Variants in TCTN3 observed in about 807,000 individuals in gnomAD.
TCTN3 encodes the protein tectonic-3.
TCTN3 carries 57 observed loss-of-function variants against 71.3 expected under a neutral mutation model. That is an observed-to-expected ratio of 0.80 (90% CI 0.65 to 1.00). The LOEUF (loss-of-function observed/expected upper bound fraction) is 1.00. TCTN3 is among the 50% of genes least tolerant of loss of function. The pLI, the probability that TCTN3 is intolerant of heterozygous loss-of-function variation, is 0.00. For missense variants in TCTN3, 696 were observed against 719.9 expected (o/e 0.97, Z 0.38); for synonymous variants, 258 against 267.8 (o/e 0.96, Z 0.36).
intron 13 of TCTN3, among the ~76,000 whole-genome samples, chr10:95,679,512 AT>A (rs1484876016): frequency 6.8e-6 from 1 of 146,118 alleles, no homozygotes; most frequent in East Asian, 2.1e-4. Context: ...AATCTGTTTG[AT>A]TTTCATTATA....
chr10:95,681,737 A>C (rs1022974514), intron 12 of TCTN3, among the ~76,000 whole-genome samples: 3 of 152,248 alleles, frequency 2.0e-5, no homozygotes, highest in Non-Finnish European at 4.4e-5. Context: ...CAATAGAAAG[A>C]GCACAATTTT....
intron 13 of TCTN3, among the ~76,000 whole-genome samples, chr10:95,671,228 T>C (rs2097931012): frequency 6.6e-6 from 1 of 152,220 alleles, no homozygotes; most frequent in African/African-American, 2.4e-5. Flanking sequence ...GCACACTTCA[T>C]TTACTGTGGG....
chr10:95,664,083 T>A lies in TCTN3; in HGVS notation c.1808A>T (p.Asn603Ile), dbSNP rs201464713. 2 of 1,613,968 alleles carry A rather than the reference T, an allele frequency of 1.2e-6. No individual in the cohort carries two copies. Among genetic ancestry groups the A allele is most frequent in the East Asian group, 4.5e-5 (2 of 44,868 alleles). The change falls in exon 14 of 14, where the codon AAC becomes ATC. Residue 603 changes from asparagine (N) to isoleucine (I), a missense_variant. Coordinates refer to ENST00000371217, the MANE Select transcript of TCTN3 (RefSeq NM_015631.6). ...TTCTTTTCTTCACATAGTCTCTAGG[T>A]TGAGAACTCCAAGTAGTAAGAGGCA... ...ILCLLLLGVL[N>I]LETM
intron 13 of TCTN3, among the ~76,000 whole-genome samples, chr10:95,669,931 C>T (rs1241160208): frequency 6.6e-6 from 1 of 151,112 alleles, no homozygotes; most frequent in African/African-American, 2.4e-5. Flanking sequence ...GGCGAGGTGG[C>T]GGGCGCCTGT....
chr10:95,686,936 G>T, intron 6 of TCTN3, 108 bp downstream of exon 6: 2 of 943,584 alleles, frequency 2.1e-6, no homozygotes, highest in East Asian at 2.5e-5. Context: ...CGTGGCTCCT[G>T]GGGATTCTGA....
chr10:95,666,219 G>A lies in TCTN3; in HGVS notation c.1591-1919C>T, dbSNP rs573328951. ...GCCTCCCAAAGTGCTGGGATTACAGGTGTGAGCCACCATGCCCAGCCTTTT... is the reference window on the plus strand; with the variant it reads ...GCCTCCCAAAGTGCTGGGATTACAGATGTGAGCCACCATGCCCAGCCTTTT... On this transcript the variant is annotated intron_variant, in intron 13 of 13. Coordinates refer to ENST00000371217, the MANE Select transcript of TCTN3 (RefSeq NM_015631.6). Among the ~76,000 whole-genome samples the A allele has an allele frequency of 2.4e-4, 37 of 151,158 alleles. 1 individual carries two copies. The South Asian group carries it at 7.5e-3, about 31-fold the overall frequency.
intron 13 of TCTN3, among the ~76,000 whole-genome samples, chr10:95,670,658 A>G (rs2097930148): frequency 1.3e-5 from 2 of 151,172 alleles, no homozygotes; most frequent in Admixed American, 1.3e-4. Flanking sequence ...ATGAGCCATC[A>G]TGCCTGGCCT....
chr10:95,680,012 G>C (rs1050461643), intron 13 of TCTN3, among the ~76,000 whole-genome samples: 1 of 152,216 alleles, frequency 6.6e-6, no homozygotes, highest in Non-Finnish European at 1.5e-5. Context: ...GTATATGTTT[G>C]CTACAGATTA....
Position 95,693,789 on chromosome 10 carries a change from C to G in TCTN3, c.111G>C (p.Glu37Asp). The change falls in exon 1 of 14, where the codon GAG becomes GAC. Residue 37 changes from glutamate (E) to aspartate (D), a missense_variant. Transcript: ENST00000371217. ...TTCCGCCATCCGTCCCTCGCTGCAG[C>G]TCCAAAGACGTGGGCACTGCCCCTG... ...SPSGAVPTSLELQRGTDGGTL... is the reference protein window; with the variant it reads ...SPSGAVPTSLDLQRGTDGGTL... The G allele has an allele frequency of 6.4e-7, 1 of 1,551,718 alleles. No individual in the cohort carries two copies. The highest frequency in any genetic ancestry group is 8.7e-7 in the Non-Finnish European group (1 of 1,147,008).
Position 95,693,690 on chromosome 10 carries a change from G to A in TCTN3, c.210C>T (p.Leu70=), listed in dbSNP as rs1307764509. 1.3e-6 allele frequency: 2 copies of A among 1,551,708 alleles called. No homozygotes were observed. The highest frequency in any genetic ancestry group is 2.7e-5 in the African/African-American group (2 of 73,150). The change falls in exon 1 of 14, where the codon CTC becomes CTT. Residue 70 remains leucine, a synonymous_variant. Coordinates refer to ENST00000371217, the MANE Select transcript of TCTN3 (RefSeq NM_015631.6). The part of the protein sequence containing the change: ...VPGLPTVVPT[L]VTPSAPGNRT... Reference sequence around the variant, plus strand: ...TATTCCCAGGGGCCGAGGGAGTCACGAGAGTAGGGACCACTGTAGGGAGTC... The same window carrying A: ...TATTCCCAGGGGCCGAGGGAGTCACAAGAGTAGGGACCACTGTAGGGAGTC...
At chr10:95,693,507 T>G in intron 1 of TCTN3, 31 bp from the exon 2 acceptor site, 1 of 1,551,982 alleles carries the variant, frequency 6.4e-7, no homozygotes, top group East Asian at 2.4e-5. Context: ...GTGAGTGGGA[T>G]GAAGATCCCC....
intron 10 of TCTN3, 156 bp from the exon 11 acceptor site, chr10:95,683,351 C>A (rs2139738995): frequency 6.6e-7 from 1 of 1,504,688 alleles, no homozygotes; most frequent in East Asian, 2.5e-5. Flanking sequence ...CCTCAGAAAA[C>A]CACAGAGAGA....
intron 3 of TCTN3, among the ~76,000 whole-genome samples, chr10:95,688,491 G>A (rs986193066): frequency 3.3e-5 from 5 of 150,562 alleles, no homozygotes; most frequent in African/African-American, 4.9e-5. Flanking sequence ...TAACAGAATC[G>A]CACTATTTCC....
intron 2 of TCTN3, 136 bp downstream of exon 2, chr10:95,693,217 C>A: frequency 7.1e-7 from 1 of 1,416,422 alleles, no homozygotes; most frequent in Non-Finnish European, 9.4e-7. Context: ...AAGGCAATTC[C>A]TAGGAAAAAC....
At chr10:95,692,563 C>T (rs1233578265) in intron 3 of TCTN3, among the ~76,000 whole-genome samples, 2 of 140,902 alleles carry the variant, frequency 1.4e-5, no homozygotes, top group East Asian at 2.0e-4. Context: ...CAGAAAGAGG[C>T]GTAGAGATTC....
intron 13 of TCTN3, among the ~76,000 whole-genome samples, chr10:95,677,475 T>C (rs150657112): frequency 2.0e-5 from 1 of 50,228 alleles, no homozygotes. Flanking sequence ...AAGTCTACAG[T>C]TTTTTTTGTT....
intron 13 of TCTN3, among the ~76,000 whole-genome samples, chr10:95,666,928 GAT>G (rs1209830767): frequency 2.0e-5 from 3 of 152,124 alleles, no homozygotes; most frequent in African/African-American, 7.2e-5. Flanking sequence ...TAATAAAACT[GAT>G]ATTTGATTAT....
intron 11 of TCTN3, 130 bp downstream of exon 11, chr10:95,682,971 T>C: frequency 8.2e-7 from 1 of 1,222,008 alleles, no homozygotes; most frequent in Non-Finnish European, 1.2e-6. Context: ...ATATCAACAC[T>C]ATTTAGACTA....
chr10:95,675,561 T>C lies in TCTN3; in HGVS notation c.1590+4911A>G, dbSNP rs61868623. Among the ~76,000 whole-genome samples the C allele has an allele frequency of 3.4e-3, 522 of 152,332 alleles. 1 individual carries two copies. The highest frequency in any genetic ancestry group is 6.0e-3 in the Non-Finnish European group (410 of 68,030). Reference sequence around the variant, plus strand: ...GAGGCAAAGTACTTCTATAGTCTAATAGTTCATTAAGAGATAAAAGCAAAT... The same window carrying C: ...GAGGCAAAGTACTTCTATAGTCTAACAGTTCATTAAGAGATAAAAGCAAAT... On this transcript the variant is annotated intron_variant, in intron 13 of 13. Coordinates refer to ENST00000371217, the MANE Select transcript of TCTN3 (RefSeq NM_015631.6).
Sources: gnomAD v4.1 joint callset for allele counts (sites outside exome capture counted in the v4.1 genomes callset) on GRCh38, gnomAD v4.1.1 for gene constraint, MANE v1.5 for transcripts, NCBI Gene and HGNC (gene_info 2026-07-23, HGNC 2026-07-21) for gene names.